Variants in SAPCD2 observed in about 807,000 individuals in gnomAD.
SAPCD2 encodes the protein suppressor APC domain-containing protein 2.
In SAPCD2, 34 loss-of-function variants were observed where a neutral mutation model predicts 37.8. That is an observed-to-expected ratio of 0.90 (90% confidence interval 0.68 to 1.20). The LOEUF is 1.20. Among genes scored for constraint, SAPCD2 ranks in the 50% most tolerant of loss-of-function variants. The pLI is 0.00. For synonymous variants in SAPCD2, 275 were observed against 270.3 expected (o/e 1.02, Z -0.17); for missense variants, 572 against 584.7 (o/e 0.98, Z 0.22).
Position 137,064,917 on chromosome 9 carries a change from G to C in SAPCD2, c.1002C>G (p.Val334=). The change falls in exon 5 of 6, where the codon GTC becomes GTG. Residue 334 remains valine (V), a synonymous_variant. Transcript: ENST00000409687. ...CPALTSTSPP[V]WQQQTILMLK... is the part of the protein sequence containing the mutation. The stretch of plus-strand genomic sequence containing the variant: ...GCATGAGGATGGTCTGCTGCTGCCA[G>C]ACCGGGGGTGAGGTGGACGTCAGGG... 1 of 1,557,786 alleles carries C rather than the reference G, an allele frequency of 6.4e-7. No individual in the cohort carries two copies. Among genetic ancestry groups the C allele is most frequent in the Non-Finnish European group, 8.7e-7 (1 of 1,151,196 alleles).
rs1832533560 is a variant in SAPCD2 at position 137,065,588 on chromosome 9, C to T, written c.765G>A (p.Trp255Ter). The T allele has an allele frequency of 6.2e-7, 1 of 1,611,256 alleles. No individual in the cohort carries two copies. The highest frequency in any genetic ancestry group is 8.5e-7 in the Non-Finnish European group (1 of 1,178,556). Reference sequence around the variant, plus strand: ...GCACTCGTTGCAGCTGCTGCTGGTACCAGTCGCGGCCCCGCGCCATCATCT... The same window carrying T: ...GCACTCGTTGCAGCTGCTGCTGGTATCAGTCGCGGCCCCGCGCCATCATCT... ...GLEMMARGRD[W>*]YQQQLQRVQE... is the part of the protein sequence containing the mutation. The change falls in exon 3 of 6, where the codon TGG becomes TGA. Residue 255 changes from tryptophan to a stop codon, truncating the protein, a stop_gained. Transcript: ENST00000409687. LOFTEE classifies it high-confidence loss of function.
Position 137,064,954 on chromosome 9 carries a change from G to T in SAPCD2, c.965C>A (p.Pro322His). The T allele has an allele frequency of 6.5e-7, 1 of 1,547,960 alleles. No individual in the cohort carries two copies. Residue 322 changes from proline to histidine, a missense_variant, in exon 5 of 6, where the codon CCC becomes CAC. Pro to His is a moderately conservative substitution (Grantham distance 77). Transcript: ENST00000409687. The stretch of plus-strand genomic sequence containing the variant: ...GGTGGACGTCAGGGCAGGGCAGGGG[G>T]GCCCGGAGGAGGACGGGGGCAGGGC... ...SRALPPSSSG[P>H]PCPALTSTSP...
At position 137,070,377 on chromosome 9, in the gene SAPCD2, G is replaced by A. The variant is rs2131532876; in HGVS notation, c.84C>T (p.Phe28=). Residue 28 remains phenylalanine, a synonymous_variant, in exon 1 of 6, where the codon TTC becomes TTT. Transcript: ENST00000409687. ...APSTEGLPRA[F]LQSLRTLFDI... ...CGAACAGGGTGCGCAGGCTCTGCAG[G>A]AAGGCGCGCGGCAGCCCCTCCGTGC... 1.4e-6 allele frequency: 2 copies of A among 1,411,006 alleles called. No individual in the cohort carries two copies. The highest frequency in any genetic ancestry group is 1.4e-5 in the South Asian group (1 of 69,216). 87.4% of individuals were successfully genotyped at this position (1,411,006 alleles called of 1,614,324 possible).
chr9:137,068,256 TACAG>T (rs574236264), intron 1 of SAPCD2, among the ~76,000 whole-genome samples: 193 of 151,800 alleles, frequency 1.3e-3, no homozygotes, highest in Non-Finnish European at 2.2e-3. Flanking sequence ...GCAGAGAGGG[TACAG>T]ACAGAGGGAG....
In SAPCD2 at chr9:137,070,129, C is replaced by A; in HGVS notation, c.332G>T (p.Arg111Leu). Residue 111 changes from arginine to leucine, a missense_variant, in exon 1 of 6, where the codon CGG becomes CTG. Transcript: ENST00000409687. ...CGGCGGCGGCGGCTGATCCCCGGGCCGGGCCGGGGCGCGCGTGGGGTCCCG... is the reference window on the plus strand; with the variant it reads ...CGGCGGCGGCGGCTGATCCCCGGGCAGGGCCGGGGCGCGCGTGGGGTCCCG... ...GPRDPTRAPA[R>L]PGDQPPPPPQ... 8.4e-7 allele frequency: 1 copy of A among 1,194,756 alleles called. No individual in the cohort carries two copies. Among genetic ancestry groups the A allele is most frequent in the Non-Finnish European group, 1.0e-6 (1 of 965,456 alleles). The allele number at this position is 1,194,756 out of a possible 1,614,324, so 74.0% of individuals were successfully genotyped here.
rs1448135644 is a variant in SAPCD2 at position 137,070,015 on chromosome 9, G to A, written c.446C>T (p.Ala149Val). ...GCTGCGGGCGGCGGCGCTGGGACCGGCCAGAGGGGCGCGCACGCCCAGGGG... is the reference window on the plus strand; with the variant it reads ...GCTGCGGGCGGCGGCGCTGGGACCGACCAGAGGGGCGCGCACGCCCAGGGG... ...PLPLGVRAPLAGPSAAARSPE... is the reference protein window; with the variant it reads ...PLPLGVRAPLVGPSAAARSPE... The change falls in exon 1 of 6, where the codon GCC (alanine) becomes GTC (valine). Residue 149 changes from alanine to valine, a missense_variant. Physicochemically the swap from Ala to Val is moderately conservative, Grantham distance 64. Transcript: ENST00000409687. The A allele has an allele frequency of 8.3e-7, 1 of 1,208,174 alleles. No homozygotes were observed. Among genetic ancestry groups the A allele is most frequent in the South Asian group, 4.1e-5 (1 of 24,518 alleles). 74.8% of individuals were successfully genotyped at this position (1,208,174 alleles called of 1,614,324 possible). A position where few individuals can be genotyped will look rare whatever the true frequency, so the allele number is the denominator to read the frequency against.
At chr9:137,067,630 AG>A (rs1832565882) in intron 1 of SAPCD2, among the ~76,000 whole-genome samples, 1 of 149,756 alleles carries the variant, frequency 6.7e-6, no homozygotes, top group South Asian at 2.1e-4. Flanking sequence ...AAAAATTAGC[AG>A]GGCGTGGTGG....
chr9:137,064,513 G>T lies in SAPCD2; in HGVS notation c.*146C>A. ...GGGGCAGGCCTGGGGAGCCCATCTG[G>T]CAAGGGCGGCAGGAAGGCGCCCACT... On this transcript the variant is annotated 3_prime_UTR_variant, in exon 6 of 6. Coordinates refer to ENST00000409687, the MANE Select transcript of SAPCD2 (RefSeq NM_178448.4). 1 of 923,168 alleles carries T rather than the reference G, an allele frequency of 1.1e-6. No homozygotes were observed. The highest frequency in any genetic ancestry group is 1.6e-6 in the Non-Finnish European group (1 of 621,064). The allele number at this position is 923,168 out of a possible 1,614,324, so 57.2% of individuals were successfully genotyped here.
Position 137,064,590 on chromosome 9 carries a change from C to T in SAPCD2, c.*69G>A, listed in dbSNP as rs1358620955. 2.0e-6 allele frequency: 3 copies of T among 1,530,870 alleles called. No individual in the cohort carries two copies. Among genetic ancestry groups the T allele is most frequent in the Admixed American group, 3.9e-5 (2 of 51,012 alleles). 94.8% of individuals were successfully genotyped at this position (1,530,870 alleles called of 1,614,324 possible). A position where few individuals can be genotyped will look rare whatever the true frequency, so the allele number is the denominator to read the frequency against. Reference sequence around the variant, plus strand: ...GGTCTCCAGCCAGAGAGGGTGGGTGCGATGGGGCGCCCACCCTCGAAGGGC... The same window carrying T: ...GGTCTCCAGCCAGAGAGGGTGGGTGTGATGGGGCGCCCACCCTCGAAGGGC... On this transcript the variant is annotated 3_prime_UTR_variant, in exon 6 of 6. Transcript: ENST00000409687.
intron 3 of SAPCD2, 111 bp from the exon 4 acceptor site, chr9:137,065,296 G>T: frequency 1.1e-6 from 1 of 943,934 alleles, no homozygotes; most frequent in Non-Finnish European, 1.5e-6. Flanking sequence ...ATGCTGCAGA[G>T]AGCCTAGAGG....
In SAPCD2 at chr9:137,064,214, C is replaced by G; in HGVS notation, c.*445G>C. The G allele has an allele frequency of 4.6e-6, 1 of 216,318 alleles. No individual in the cohort carries two copies. The highest frequency in any genetic ancestry group is 9.5e-6 in the Non-Finnish European group (1 of 105,220). The allele number at this position is 216,318 out of a possible 1,614,324, so 13.4% of individuals were successfully genotyped here. A position where few individuals can be genotyped will look rare whatever the true frequency, so the allele number is the denominator to read the frequency against. On this transcript the variant is annotated 3_prime_UTR_variant, in exon 6 of 6. Coordinates refer to ENST00000409687, the MANE Select transcript of SAPCD2 (RefSeq NM_178448.4). ...ACCTCGTCCTGGTGCCCTGGTTGAG[C>G]GGGAAGCTGCCCTTGGACCCGCGTC...
Position 137,069,974 on chromosome 9 carries a change from CGCACAG to C in SAPCD2, c.481_486del (p.Leu161_Cys162del). ...GGGCAGGGCGCCGCCTCAGCCGGGG[CGCACAG>C]CTGCTCCGGGCTGCGGGCGGCGGCG... On this transcript the variant is annotated inframe_deletion, in exon 1 of 6. Transcript: ENST00000409687. The C allele has an allele frequency of 1.6e-6, 2 of 1,242,918 alleles. No homozygotes were observed. The highest frequency in any genetic ancestry group is 2.0e-6 in the Non-Finnish European group (2 of 994,576). 77.0% of individuals were successfully genotyped at this position (1,242,918 alleles called of 1,614,324 possible). A position where few individuals can be genotyped will look rare whatever the true frequency, so the allele number is the denominator to read the frequency against.
At position 137,064,844 on chromosome 9, in the gene SAPCD2, C is replaced by T. The variant is rs1231726471; in HGVS notation, c.1056+19G>A. 4 of 1,569,350 alleles carry T rather than the reference C, an allele frequency of 2.5e-6. No individual in the cohort carries two copies. The highest frequency in any genetic ancestry group is 1.2e-5 in the South Asian group (1 of 85,892). Reference sequence around the variant, plus strand: ...GGGGCCTCACCCCCACCCCTGCACCCCTCCCGCGCCTGCCCTACCTGGGTG... The same window carrying T: ...GGGGCCTCACCCCCACCCCTGCACCTCTCCCGCGCCTGCCCTACCTGGGTG... On this transcript the variant is annotated intron_variant, in intron 5 of 5. Transcript: ENST00000409687.
In SAPCD2 at chr9:137,066,277, G is replaced by A. The variant is rs980945899; in HGVS notation, c.669C>T (p.Gly223=). The A allele has an allele frequency of 4.4e-6, 7 of 1,605,372 alleles. No homozygotes were observed. Among genetic ancestry groups the A allele is most frequent in the Admixed American group, 1.7e-5 (1 of 59,446 alleles). The change falls in exon 2 of 6, where the codon GGC becomes GGT. Residue 223 remains glycine, a synonymous_variant. Coordinates refer to ENST00000409687, the MANE Select transcript of SAPCD2 (RefSeq NM_178448.4). ...CCCTGCTCACCAGGCCGCAGTCCAC[G>A]CCGCTGGCGATGGTGTGCCTCCGAC... ...GERRRHTIAS[G]VDCGLLKQMK...
intron 1 of SAPCD2, among the ~76,000 whole-genome samples, chr9:137,067,820 C>T (rs1336610395): frequency 1.4e-5 from 2 of 144,988 alleles, no homozygotes; most frequent in Non-Finnish European, 3.0e-5. Flanking sequence ...GTGTGTGATA[C>T]GCCAGGCGGT....
Position 137,065,633 on chromosome 9 carries a change from C to G in SAPCD2, c.720G>C (p.Glu240Asp), listed in dbSNP as rs1418175343. The part of the protein sequence containing the change: ...KQMKELEQEK[E>D]VLLQGLEMMA... Reference sequence around the variant, plus strand: ...TCATCTCCAAACCCTGCAGCAGCACCTCCTTCTCCTGCTCCAGCTCCTTCA... The same window carrying G: ...TCATCTCCAAACCCTGCAGCAGCACGTCCTTCTCCTGCTCCAGCTCCTTCA... The change falls in exon 3 of 6, where the codon GAG becomes GAC. Residue 240 changes from glutamate (E) to aspartate (D), a missense_variant. By Grantham distance (45) the Glu-to-Asp change is conservative. Transcript: ENST00000409687. 1.9e-6 allele frequency: 3 copies of G among 1,608,744 alleles called. No homozygotes were observed. The highest frequency in any genetic ancestry group is 2.6e-6 in the Non-Finnish European group (3 of 1,176,358).
At position 137,064,958 on chromosome 9, in the gene SAPCD2, CGGA is replaced by C; in HGVS notation, c.958_960del (p.Ser320del). 1 of 1,540,402 alleles carries C rather than the reference CGGA, an allele frequency of 6.5e-7. No homozygotes were observed. Among genetic ancestry groups the C allele is most frequent in the South Asian group, 1.2e-5 (1 of 83,772 alleles). ...GACGTCAGGGCAGGGCAGGGGGGCC[CGGA>C]GGAGGACGGGGGCAGGGCCTGCGGG... On this transcript the variant is annotated inframe_deletion, in exon 5 of 6. Transcript: ENST00000409687.
chr9:137,067,631 G>A lies in SAPCD2; in HGVS notation c.572-1257C>T, dbSNP rs1035597857. On this transcript the variant is annotated intron_variant, in intron 1 of 5. Coordinates refer to ENST00000409687, the MANE Select transcript of SAPCD2 (RefSeq NM_178448.4). ...TCTACTAAAAATACAAAAATTAGCAGGGCGTGGTGGCATGCACCTGTAATC... is the reference window on the plus strand; with the variant it reads ...TCTACTAAAAATACAAAAATTAGCAAGGCGTGGTGGCATGCACCTGTAATC... Among the ~76,000 whole-genome samples, 3 of 150,480 alleles carry A rather than the reference G, an allele frequency of 2.0e-5. 1 individual carries two copies. Among genetic ancestry groups the A allele is most frequent in the South Asian group, 2.1e-4 (1 of 4,756 alleles).
At position 137,064,896 on chromosome 9, in the gene SAPCD2, G is replaced by A. The variant is rs746518375; in HGVS notation, c.1023C>T (p.Leu341=). 1 of 1,561,942 alleles carries A rather than the reference G, an allele frequency of 6.4e-7. No individual in the cohort carries two copies. Among genetic ancestry groups the A allele is most frequent in the Non-Finnish European group, 8.7e-7 (1 of 1,153,318 alleles). The stretch of plus-strand genomic sequence containing the variant: ...GGAGTCGGTTCTGCTCCTTCAGCAT[G>A]AGGATGGTCTGCTGCTGCCAGACCG... ...SPPVWQQQTI[L]MLKEQNRLLT... is the part of the protein sequence containing the mutation. The change falls in exon 5 of 6, where the codon CTC becomes CTT. Residue 341 remains leucine (L), a synonymous_variant. Transcript: ENST00000409687.
Sources: gnomAD v4.1 joint callset for allele counts (sites outside exome capture counted in the v4.1 genomes callset) on GRCh38, gnomAD v4.1.1 for gene constraint, MANE v1.5 for transcripts, NCBI Gene and HGNC (gene_info 2026-07-23, HGNC 2026-07-21) for gene names.